The following KRTAP9-9 variants were observed in gnomAD, a reference collection of about 807,000 sequenced individuals.
KRTAP9-9 encodes keratin-associated protein 9-9.
Under a neutral mutation model 13.7 loss-of-function variants are expected in KRTAP9-9, and 12 were observed. That is an observed-to-expected ratio of 0.88 (90% CI 0.56 to 1.42). KRTAP9-9 has a LOEUF of 1.42. Among genes scored for constraint, KRTAP9-9 ranks in the 40% most tolerant of loss-of-function variants. The pLI is 0.00. For synonymous variants in KRTAP9-9, 81 were observed against 78.1 expected, an observed-to-expected ratio of 1.04 and a Z score of -0.19; for missense variants, 194 against 206.5, an observed-to-expected ratio of 0.94 and a Z score of 0.37.
exon 1 of KRTAP9-9, chr17:41,255,534 C>T: frequency 1.9e-6 from 3 of 1,613,324 alleles, no homozygotes; most frequent in Non-Finnish European, 2.5e-6. Context: ...TGCCGCCCAG[C>T]TTGCTGTCAA....
At chr17:41,256,008 T>A in exon 1 of KRTAP9-9, 2 of 1,529,414 alleles carry the variant, frequency 1.3e-6, no homozygotes, top group Non-Finnish European at 1.8e-6. Flanking sequence ...TCACCCAAAT[T>A]TTTATGAATT....
At chr17:41,255,799 C>T (rs1040206003) in exon 1 of KRTAP9-9, 1 of 1,611,194 alleles carries the variant, frequency 6.2e-7, no homozygotes, top group Non-Finnish European at 8.5e-7. Flanking sequence ...GCTGCCAGCC[C>T]TGCTGCCGCC....
chr17:41,256,226 A>C, exon 1 of KRTAP9-9: 1 of 471,638 alleles, frequency 2.1e-6, no homozygotes, highest in Non-Finnish European at 3.8e-6. Flanking sequence ...GAATCTTCAC[A>C]ACTATGTTTT....
chr17:41,255,798 C>T, exon 1 of KRTAP9-9: 1 of 1,613,688 alleles, frequency 6.2e-7, no homozygotes, highest in Non-Finnish European at 8.5e-7. Context: ...TGCTGCCAGC[C>T]CTGCTGCCGC....
chr17:41,256,046 A>T (rs74574777), exon 1 of KRTAP9-9: 4 of 1,440,394 alleles, frequency 2.8e-6, no homozygotes, highest in Non-Finnish European at 3.8e-6. Flanking sequence ...CTTGTGAATC[A>T]GCTTGAGGGA....
chr17:41,255,932 C>T, exon 1 of KRTAP9-9: 1 of 1,606,050 alleles, frequency 6.2e-7, no homozygotes, highest in African/African-American at 1.3e-5. Flanking sequence ...CACACAACAA[C>T]CTTCTGCTCA....
At chr17:41,255,627 G>C in exon 1 of KRTAP9-9, 1 of 1,611,296 alleles carries the variant, frequency 6.2e-7, no homozygotes, top group African/African-American at 1.4e-5. Flanking sequence ...ACAACCTGCT[G>C]CCAGCCCATC....
chr17:41,255,821 G>T, the KRTAP9-9 span: 33 of 1,600,518 alleles, frequency 2.1e-5, no homozygotes, highest in Admixed American at 2.0e-4. Flanking sequence ...CGCCTGCTGT[G>T]AGACCACCTG....
exon 1 of KRTAP9-9, chr17:41,255,923 A>C: frequency 6.2e-7 from 1 of 1,611,230 alleles, no homozygotes; most frequent in South Asian, 1.1e-5. Flanking sequence ...AACCATCTTC[A>C]CACAACAACC....
Position 41,255,540 on chromosome 17 carries a change from G to A in KRTAP9-9, c.155G>A (p.Cys52Tyr), listed in dbSNP as rs546914908. ...CAGCCTTGCTGCCGCCCAGCTTGCT[G>A]TCAAAACACCTGCTGCAGGACCACC... Residue 52 changes from cysteine (C) to tyrosine (Y), a missense_variant, in exon 1 of 1, where the codon TGT becomes TAT. Cys to Tyr is a radical substitution (Grantham distance 194). Transcript: ENST00000394008. The A allele has an allele frequency of 7.5e-5, 121 of 1,613,272 alleles. No individual in the cohort carries two copies. In the African/African-American group the frequency reaches 1.5e-3, roughly 20 times the overall value.
At chr17:41,255,496 C>G in exon 1 of KRTAP9-9, 6 of 1,611,994 alleles carry the variant, frequency 3.7e-6, no homozygotes, top group Non-Finnish European at 5.1e-6. Flanking sequence ...AGCCCTCCTG[C>G]TGTGTGTCTA....
chr17:41,255,854 C>T (rs372566099), exon 1 of KRTAP9-9: 18 of 1,613,276 alleles, frequency 1.1e-5, no homozygotes, highest in Non-Finnish European at 1.4e-5. Context: ...TTGCTTCCAG[C>T]CCACCTGTGT....
At chr17:41,255,419 A>T (rs750334758) in exon 1 of KRTAP9-9, 1 of 1,594,876 alleles carries the variant, frequency 6.3e-7, no homozygotes, top group African/African-American at 1.4e-5. Context: ...CTGTCAGCCT[A>T]CCTGCTGCAG....
chr17:41,256,224 A>G, exon 1 of KRTAP9-9: 1 of 478,454 alleles, frequency 2.1e-6, no homozygotes, highest in Non-Finnish European at 3.8e-6. Flanking sequence ...AAGAATCTTC[A>G]CAACTATGTT....
exon 1 of KRTAP9-9, chr17:41,255,746 G>C: frequency 1.2e-6 from 2 of 1,612,752 alleles, no homozygotes; most frequent in East Asian, 2.2e-5. Context: ...CCCGACGACT[G>C]TCTGCCTGCC....
exon 1 of KRTAP9-9, chr17:41,255,705 C>A: frequency 6.2e-7 from 1 of 1,613,838 alleles, no homozygotes; most frequent in Non-Finnish European, 8.5e-7. Context: ...AGCTCCTGTG[C>A]ACCTGTGTAC....
At chr17:41,256,323 C>A (rs35324178) in exon 1 of KRTAP9-9, 6,685 of 215,172 alleles carry the variant, frequency 0.031, 481 homozygotes, top group African/African-American at 0.15. Context: ...GGGATCTTAC[C>A]TATATATTTC....
At chr17:41,255,966 A>T in exon 1 of KRTAP9-9, 1 of 1,581,416 alleles carries the variant, frequency 6.3e-7, no homozygotes, top group Non-Finnish European at 8.6e-7. Flanking sequence ...TTGGAGGACT[A>T]ATTTACCTTA....
chr17:41,255,924 C>T (rs942714180), exon 1 of KRTAP9-9: 3 of 1,610,924 alleles, frequency 1.9e-6, no homozygotes, highest in Admixed American at 3.3e-5. Context: ...ACCATCTTCA[C>T]ACAACAACCT....
Sources: gnomAD v4.1 joint callset for allele counts on GRCh38, gnomAD v4.1.1 for gene constraint, MANE v1.5 for transcripts, NCBI Gene and HGNC (gene_info 2026-07-23, HGNC 2026-07-21) for gene names.